Variants in MCC observed in about 807,000 individuals in gnomAD.
MCC encodes the protein MCC regulator of Wnt signaling pathway, also known as colorectal mutant cancer protein.
In MCC, 90 loss-of-function variants were observed where a neutral mutation model predicts 116.2. The ratio of observed to expected loss-of-function variants is 0.77; its 90% CI spans 0.65 to 0.92. MCC has a LOEUF of 0.92. Ranked by LOEUF, MCC falls within the 40% of genes least tolerant of loss-of-function variation. The probability of loss-of-function intolerance (pLI) is 0.00; values close to 1 mark genes in which losing one functional copy is unlikely to be tolerated. For missense variants in MCC, 1,516 were observed against 1,312.2 expected, an observed-to-expected ratio of 1.16 and a Z score of -2.40; for synonymous variants, 578 against 510.5, an observed-to-expected ratio of 1.13 and a Z score of -1.78.
chr5:113,311,443 C>A (rs535004019), intron 3 of MCC, among the ~76,000 whole-genome samples: 1 of 152,294 alleles, frequency 6.6e-6, no homozygotes, highest in Non-Finnish European at 1.5e-5. Flanking sequence ...TCAGCAGTTG[C>A]TCTAGTCACC....
intron 3 of MCC, among the ~76,000 whole-genome samples, chr5:113,293,020 A>T (rs1406927058): frequency 6.6e-6 from 1 of 152,122 alleles, no homozygotes; most frequent in Middle Eastern, 3.2e-3. Flanking sequence ...CTTCTACATC[A>T]CAGGGGCAAC....
chr5:113,299,084 C>T (rs189995827), intron 3 of MCC, among the ~76,000 whole-genome samples: 1 of 151,828 alleles, frequency 6.6e-6, no homozygotes, highest in Non-Finnish European at 1.5e-5. Flanking sequence ...GTCACCAGTT[C>T]GAGAGCAGCC....
chr5:113,447,035 A>G (rs1412638208), intron 1 of MCC, among the ~76,000 whole-genome samples: 1 of 152,052 alleles, frequency 6.6e-6, no homozygotes, highest in Non-Finnish European at 1.5e-5. Flanking sequence ...TCTCTAATTG[A>G]CCCTTTCTCC....
chr5:113,081,533 C>T (rs1343909911), intron 11 of MCC, among the ~76,000 whole-genome samples: 2 of 152,210 alleles, frequency 1.3e-5, no homozygotes, highest in South Asian at 2.1e-4. Flanking sequence ...GCCACAGATC[C>T]AACTTGTTAA....
At position 113,393,398 on chromosome 5, in the gene MCC, T is replaced by C. The variant is rs371148877; in HGVS notation, c.171-8186A>G. 6.8e-4 allele frequency among the ~76,000 whole-genome samples: 104 copies of C among 152,324 alleles called. 2 individuals carry two copies. The highest frequency in any genetic ancestry group is 2.4e-3 in the African/African-American group (101 of 41,574). ...AAAATGTTTAAAATAATGTCATTCA[T>C]ATCAATAAGTGTTTACAGGAGATGA... is the stretch of plus-strand genomic sequence containing the variant. On this transcript the variant is annotated intron_variant, in intron 1 of 18. Transcript: ENST00000408903.
At chr5:113,138,607 T>A (rs1758990439) in intron 5 of MCC, among the ~76,000 whole-genome samples, 1 of 152,178 alleles carries the variant, frequency 6.6e-6, no homozygotes, top group African/African-American at 2.4e-5. Flanking sequence ...GAGAAATACA[T>A]TTCTGTTGTG....
chr5:113,391,094 G>A (rs1408954306), intron 1 of MCC, among the ~76,000 whole-genome samples: 2 of 152,010 alleles, frequency 1.3e-5, no homozygotes, highest in Non-Finnish European at 2.9e-5. Flanking sequence ...TGCTTCTTAC[G>A]AAATAAGTAG....
chr5:113,083,160 AGTATGAAAAG>A, intron 10 of MCC, 152 bp from the exon 11 acceptor site: 1 of 670,376 alleles, frequency 1.5e-6, no homozygotes, highest in Non-Finnish European at 2.4e-6. Flanking sequence ...ATAGAATCCT[AGTATGAAAAG>A]CTAACTATTA....
intron 1 of MCC, chr5:113,428,825 G>A (rs944730412): frequency 2.0e-5 from 3 of 152,068 alleles, no homozygotes; most frequent in African/African-American, 7.2e-5. Flanking sequence ...TAGTTTAAGG[G>A]TTCAATTCCT....
intron 1 of MCC, among the ~76,000 whole-genome samples, chr5:113,449,905 G>C (rs1771337775): frequency 1.3e-5 from 2 of 152,166 alleles, no homozygotes; most frequent in South Asian, 4.1e-4. Context: ...TCCTATGTAG[G>C]TGAAGTACAC....
Position 113,053,827 on chromosome 5 carries a change from G to A in MCC, c.2346C>T (p.Ser782=), listed in dbSNP as rs200630622. The change falls in exon 15 of 19, where the codon AGC becomes AGT. Residue 782 remains serine, a synonymous_variant. Transcript: ENST00000408903. ...CATAGCTGAGAGGATCGATGTGGAT[G>A]CTTTCCAGCTCCAGCATGGTCAGCT... ...AVKLTMLELE[S]IHIDPLSYDV... 6.2e-7 allele frequency: 1 copy of A among 1,614,152 alleles called. No homozygotes were observed.
intron 6 of MCC, among the ~76,000 whole-genome samples, chr5:113,117,352 G>A (rs1757453378): frequency 1.3e-5 from 2 of 152,182 alleles, no homozygotes; most frequent in Admixed American, 1.3e-4. Context: ...TTCTTCCTTG[G>A]TTGTCCTCCA....
chr5:113,260,564 G>A (rs1765185235), intron 3 of MCC, among the ~76,000 whole-genome samples: 1 of 152,042 alleles, frequency 6.6e-6, no homozygotes, highest in African/African-American at 2.4e-5. Context: ...TTGAACAAAT[G>A]GTGCTTTTTA....
intron 1 of MCC, among the ~76,000 whole-genome samples, chr5:113,424,159 AC>A: frequency 6.6e-6 from 1 of 150,906 alleles, no homozygotes; most frequent in African/African-American, 2.4e-5. Flanking sequence ...ACACACACAC[AC>A]ACACACACAC....
At chr5:113,041,090 C>G (rs1186397005) in intron 17 of MCC, among the ~76,000 whole-genome samples, 2 of 152,212 alleles carry the variant, frequency 1.3e-5, no homozygotes, top group Non-Finnish European at 2.9e-5. Flanking sequence ...AGCAGAGCAA[C>G]TGCCATTTAA....
intron 6 of MCC, among the ~76,000 whole-genome samples, chr5:113,110,274 C>G (rs1233655270): frequency 6.6e-6 from 1 of 152,176 alleles, no homozygotes; most frequent in African/African-American, 2.4e-5. Context: ...GGGGAAAACA[C>G]GGTGACTGGA....
rs151326030 is a variant in MCC at position 113,341,504 on chromosome 5, T to G, written c.416-774A>C. ...CCGACAGTATCATGACTTTCTACTG[T>G]TGATGTACTCTTACCTGAAGGAAGC... On this transcript the variant is annotated intron_variant, in intron 2 of 18. Coordinates refer to ENST00000408903, the MANE Select transcript of MCC (RefSeq NM_001085377.2). 1.2e-3 allele frequency among the ~76,000 whole-genome samples: 185 copies of G among 152,280 alleles called. 4 individuals carry two copies. The highest frequency in any genetic ancestry group is 3.6e-3 in the African/African-American group (149 of 41,554).
At chr5:113,154,310 G>T (rs2150293113) in intron 3 of MCC, among the ~76,000 whole-genome samples, 1 of 152,326 alleles carries the variant, frequency 6.6e-6, no homozygotes, top group Middle Eastern at 3.4e-3. Context: ...CAATGAGGTA[G>T]AATAAAATAT....
At chr5:113,341,069 T>C (rs1767998427) in intron 2 of MCC, among the ~76,000 whole-genome samples, 1 of 152,204 alleles carries the variant, frequency 6.6e-6, no homozygotes, top group Non-Finnish European at 1.5e-5. Flanking sequence ...TACATTAGCC[T>C]TAGCACTGGT....
Sources: gnomAD v4.1 joint callset for allele counts (sites outside exome capture counted in the v4.1 genomes callset) on GRCh38, gnomAD v4.1.1 for gene constraint, MANE v1.5 for transcripts, NCBI Gene and HGNC (gene_info 2026-07-23, HGNC 2026-07-21) for gene names.